Variants in SLIT3 observed in about 807,000 individuals in gnomAD.
The protein encoded by SLIT3 is slit guidance ligand 3, also known as slit homolog 3 protein.
SLIT3 carries 68 observed loss-of-function variants against 184.0 expected under a neutral mutation model. The ratio of observed to expected loss-of-function variants is 0.37; its 90% CI spans 0.30 to 0.45. SLIT3 has a LOEUF of 0.45. SLIT3 is among the 20% of genes least tolerant of loss of function. The pLI, the probability that SLIT3 is intolerant of heterozygous loss-of-function variation, is 1.00. For missense variants in SLIT3, 1,707 were observed against 2,026.0 expected, an observed-to-expected ratio of 0.84 and a Z score of 3.02; for synonymous variants, 831 against 828.6, an observed-to-expected ratio of 1.00 and a Z score of -0.05.
intron 4 of SLIT3, among the ~76,000 whole-genome samples, chr5:168,907,941 CGT>C (rs1491369675): frequency 2.3e-5 from 1 of 43,458 alleles, no homozygotes; most frequent in Non-Finnish European, 4.5e-5. Flanking sequence ...ATATATTATA[CGT>C]GTATATATAT....
rs984955536 is a variant in SLIT3 at position 168,707,942 on chromosome 5, G to A, written c.2844+34C>T. On this transcript the variant is annotated intron_variant, in intron 26 of 35. Transcript: ENST00000519560. The stretch of plus-strand genomic sequence containing the variant: ...GCCAGGGCTGAAGGAGGAGCCTGAG[G>A]CATGAACACGGGGGGGCAGGGCCTC... 5.0e-6 allele frequency: 8 copies of A among 1,613,314 alleles called. No homozygotes were observed. The African/African-American group carries it at 8.0e-5, about 16-fold the overall frequency.
At chr5:169,224,383 TTA>T (rs142172108) in intron 3 of SLIT3, among the ~76,000 whole-genome samples, 75,720 of 147,816 alleles carry the variant, frequency 0.51, 19,367 homozygotes, top group East Asian at 0.6. Context: ...ATTTATTTAT[TTA>T]TTTTTTTTGA....
chr5:168,798,892 T>C (rs1258450928), intron 9 of SLIT3, among the ~76,000 whole-genome samples: 1 of 152,054 alleles, frequency 6.6e-6, no homozygotes, highest in African/African-American at 2.4e-5. Context: ...CATGAGAAAA[T>C]TGAGGCTCAG....
chr5:169,002,963 T>G (rs1329318975), intron 4 of SLIT3, among the ~76,000 whole-genome samples: 1 of 152,228 alleles, frequency 6.6e-6, no homozygotes, highest in Non-Finnish European at 1.5e-5. Context: ...AAGAAGAAGT[T>G]TGTCTGAATC....
chr5:169,251,007 G>A (rs1270880099), intron 2 of SLIT3, among the ~76,000 whole-genome samples: 3 of 152,192 alleles, frequency 2.0e-5, no homozygotes, highest in African/African-American at 7.2e-5. Flanking sequence ...CTACAAGACA[G>A]ATAACTTTTG....
intron 4 of SLIT3, among the ~76,000 whole-genome samples, chr5:169,156,195 C>T (rs1236012935): frequency 2.6e-5 from 4 of 152,128 alleles, no homozygotes; most frequent in Non-Finnish European, 5.9e-5. Context: ...AAAGAGAAAA[C>T]GAACAACTTT....
chr5:168,921,612 A>T (rs1203030653), intron 4 of SLIT3, among the ~76,000 whole-genome samples: 2 of 152,192 alleles, frequency 1.3e-5, no homozygotes, highest in Non-Finnish European at 2.9e-5. Context: ...AAAATTAAAA[A>T]TTAGGTGATG....
At chr5:168,820,696 T>C (rs147517015) in intron 7 of SLIT3, among the ~76,000 whole-genome samples, 123 of 152,330 alleles carry the variant, frequency 8.1e-4, no homozygotes, top group African/African-American at 2.8e-3. Context: ...CTTTTGCTGA[T>C]GGACACATCA....
At chr5:169,127,349 G>T (rs1761119511) in intron 4 of SLIT3, among the ~76,000 whole-genome samples, 1 of 152,148 alleles carries the variant, frequency 6.6e-6, no homozygotes. Context: ...ATTACTAAAA[G>T]GAAGCAGCAG....
intron 4 of SLIT3, among the ~76,000 whole-genome samples, chr5:169,055,424 C>T (rs73312289): frequency 0.017 from 2,659 of 152,226 alleles, 66 homozygotes; most frequent in African/African-American, 0.059. Context: ...AAGTTGAAAG[C>T]GGGACACTCA....
chr5:169,162,268 A>AC (rs1224744963), intron 4 of SLIT3, among the ~76,000 whole-genome samples: 3 of 152,184 alleles, frequency 2.0e-5, no homozygotes, highest in Non-Finnish European at 4.4e-5. Flanking sequence ...CCCATGCAGA[A>AC]CCACTGGCTC....
At chr5:169,104,101 T>A (rs1451763448) in intron 4 of SLIT3, among the ~76,000 whole-genome samples, 1 of 152,228 alleles carries the variant, frequency 6.6e-6, no homozygotes, top group East Asian at 1.9e-4. Context: ...TCTCACTTAA[T>A]TCTCCTATTT....
intron 4 of SLIT3, among the ~76,000 whole-genome samples, chr5:168,964,581 A>G (rs1253445959): frequency 6.6e-6 from 1 of 152,250 alleles, no homozygotes; most frequent in African/African-American, 2.4e-5. Flanking sequence ...CTTACTGCGT[A>G]TAAATAAAGC....
At chr5:168,923,630 C>A (rs936781179) in intron 4 of SLIT3, among the ~76,000 whole-genome samples, 3 of 151,932 alleles carry the variant, frequency 2.0e-5, no homozygotes, top group Admixed American at 2.0e-4. Context: ...AATTCTCCTG[C>A]CTCGGCCTCT....
intron 20 of SLIT3, among the ~76,000 whole-genome samples, chr5:168,746,163 A>G (rs1467156188): frequency 3.9e-5 from 6 of 152,332 alleles, no homozygotes; most frequent in African/African-American, 1.2e-4. Context: ...CTGAACCCAC[A>G]ATATCTCCAA....
intron 20 of SLIT3, among the ~76,000 whole-genome samples, chr5:168,730,351 C>T (rs1435239543): frequency 6.6e-6 from 1 of 152,026 alleles, no homozygotes; most frequent in Non-Finnish European, 1.5e-5. Flanking sequence ...AAACACTGGA[C>T]TTAAATTGGA....
At chr5:169,217,645 C>T (rs1172121505) in intron 3 of SLIT3, among the ~76,000 whole-genome samples, 2 of 152,160 alleles carry the variant, frequency 1.3e-5, no homozygotes, top group Non-Finnish European at 2.9e-5. Flanking sequence ...CTTTACTGCA[C>T]GCTCAACACC....
intron 3 of SLIT3, among the ~76,000 whole-genome samples, chr5:169,211,728 T>C (rs1764271632): frequency 6.6e-6 from 1 of 152,054 alleles, no homozygotes; most frequent in Non-Finnish European, 1.5e-5. Context: ...CCTTGGGGGG[T>C]TCCCGCACCC....
rs146090790 is a variant in SLIT3, at chr5:169,057,801, C to T, written c.413+135678G>A. 8.3e-4 allele frequency among the ~76,000 whole-genome samples: 126 copies of T among 152,280 alleles called. 2 individuals carry two copies. The highest frequency in any genetic ancestry group is 3.4e-3 in the Middle Eastern group (1 of 294). The stretch of plus-strand genomic sequence containing the variant: ...CCACACTCCACCCTGCTATGTGGGG[C>T]GACCTCTGTGACTTCTTGGTTAAGA... On this transcript the variant is annotated intron_variant, in intron 4 of 35. Transcript: ENST00000519560.
Sources: allele counts gnomAD v4.1 joint callset (sites outside exome capture counted in the v4.1 genomes callset), GRCh38; gene constraint gnomAD v4.1.1; transcripts MANE v1.5; gene names NCBI Gene and HGNC (gene_info 2026-07-23, HGNC 2026-07-21).